Variants in NCAM2 observed in about 807,000 individuals in gnomAD.
NCAM2 encodes N-CAM-2.
A neutral mutation model predicts 98.1 loss-of-function variants in NCAM2; 30 were observed. The observed-to-expected ratio is 0.31, with a 90% CI of 0.23 to 0.41. NCAM2 has a LOEUF of 0.41. Ranked by LOEUF, NCAM2 falls within the 10% of genes least tolerant of loss-of-function variation. NCAM2 has a pLI of 1.00. For missense variants in NCAM2, 867 were observed against 1,005.8 expected, an observed-to-expected ratio of 0.86 and a Z score of 1.87; for synonymous variants, 368 against 342.4, an observed-to-expected ratio of 1.07 and a Z score of -0.83.
At chr21:21,222,440 T>C (rs1443610895) in intron 1 of NCAM2, among the ~76,000 whole-genome samples, 1 of 152,184 alleles carries the variant, frequency 6.6e-6, no homozygotes, top group Non-Finnish European at 1.5e-5. Flanking sequence ...CCATTAAGAA[T>C]GTTTGTAATG....
At chr21:21,002,106 A>G (rs1003328836) in intron 1 of NCAM2, among the ~76,000 whole-genome samples, 1 of 152,108 alleles carries the variant, frequency 6.6e-6, no homozygotes, top group African/African-American at 2.4e-5. Flanking sequence ...CTTCTTTTGC[A>G]CTTGGGGAAG....
chr21:21,418,822 G>A (rs562005342), intron 11 of NCAM2, among the ~76,000 whole-genome samples: 2 of 152,198 alleles, frequency 1.3e-5, no homozygotes, highest in South Asian at 2.1e-4. Flanking sequence ...GTACGGTAGG[G>A]CTATAATAGT....
rs1042114634 is a variant in NCAM2, at chr21:21,137,844, T to G, written c.55+139226T>G. 4.6e-5 allele frequency among the ~76,000 whole-genome samples: 7 copies of G among 151,572 alleles called. No homozygotes were observed. In the South Asian group the frequency reaches 1.5e-3, roughly 32 times the overall value. On this transcript the variant is annotated intron_variant, in intron 1 of 17. Transcript: ENST00000400546. ...CTTTTGAAAGCAGTCGTCACTTCATTTTTTTTTTCTGTGTTGTGATTCTTC... is the reference window on the plus strand; with the variant it reads ...CTTTTGAAAGCAGTCGTCACTTCATGTTTTTTTTCTGTGTTGTGATTCTTC...
chr21:21,282,552 G>C (rs1411747808), intron 2 of NCAM2, among the ~76,000 whole-genome samples: 1 of 151,510 alleles, frequency 6.6e-6, no homozygotes, highest in Non-Finnish European at 1.5e-5. Context: ...AAGCCACTCT[G>C]CTTGTATGTA....
rs1303138599 is a variant in NCAM2 at position 21,410,474 on chromosome 21, G to T, written c.1383+13G>T. The T allele has an allele frequency of 1.4e-6, 2 of 1,405,114 alleles. No individual in the cohort carries two copies. The highest frequency in any genetic ancestry group is 2.5e-5 in the East Asian group (1 of 39,916). The allele number at this position is 1,405,114 out of a possible 1,614,324, so 87.0% of individuals were successfully genotyped here. On this transcript the variant is annotated intron_variant, in intron 10 of 17. Coordinates refer to ENST00000400546, the MANE Select transcript of NCAM2 (RefSeq NM_004540.5). Reference sequence around the variant, plus strand: ...GATGATATTAGAGGTAAGTCCACATGTATACATCAATAAATTGTATTATTT... The same window carrying T: ...GATGATATTAGAGGTAAGTCCACATTTATACATCAATAAATTGTATTATTT...
chr21:21,032,944 C>CTT (rs61400853), intron 1 of NCAM2, among the ~76,000 whole-genome samples: 35 of 148,708 alleles, frequency 2.4e-4, no homozygotes, highest in Non-Finnish European at 3.6e-4. Flanking sequence ...TTCTTTCTTT[C>CTT]TTTTTTTTTT....
chr21:21,387,519 A>AG (rs34718723), intron 9 of NCAM2, among the ~76,000 whole-genome samples: 1 of 57,668 alleles, frequency 1.7e-5, no homozygotes, highest in Non-Finnish European at 3.6e-5. Context: ...TATTCAAGAC[A>AG]AAAAAAAAAC....
chr21:21,475,383 A>G (rs1602450926), intron 14 of NCAM2, among the ~76,000 whole-genome samples: 1 of 152,112 alleles, frequency 6.6e-6, no homozygotes, highest in Admixed American at 6.6e-5. Context: ...AAACTACAAC[A>G]TGAGGGTATT....
At chr21:21,037,836 G>C (rs1467559032) in intron 1 of NCAM2, among the ~76,000 whole-genome samples, 1 of 152,116 alleles carries the variant, frequency 6.6e-6, no homozygotes, top group Non-Finnish European at 1.5e-5. Context: ...AGATTTACTT[G>C]AGTAAAATTG....
At chr21:21,536,406 TTC>T (rs201950105) in intron 17 of NCAM2, among the ~76,000 whole-genome samples, 74 of 128,000 alleles carry the variant, frequency 5.8e-4, no homozygotes, top group Non-Finnish European at 7.0e-4. Context: ...TTTTTTTTTT[TTC>T]CGAGACTAGT....
chr21:21,134,409 A>ACC (rs1246499047), intron 1 of NCAM2, among the ~76,000 whole-genome samples: 31 of 152,064 alleles, frequency 2.0e-4, no homozygotes, highest in African/African-American at 7.5e-4. Context: ...ACCTCAGAAG[A>ACC]AGACAGTGGA....
In NCAM2 at chr21:21,077,184, G is replaced by A. The variant is rs116277940; in HGVS notation, c.55+78566G>A. Among the ~76,000 whole-genome samples, 1,392 of 152,184 alleles carry A rather than the reference G, an allele frequency of 9.1e-3. 20 individuals carry two copies. Among genetic ancestry groups the A allele is most frequent in the African/African-American group, 0.031 (1,292 of 41,532 alleles). Reference sequence around the variant, plus strand: ...GCAACATCGTTTAGATGAGGTGCCCGTCAGAGATTATTTATTCTGTAATTT... The same window carrying A: ...GCAACATCGTTTAGATGAGGTGCCCATCAGAGATTATTTATTCTGTAATTT... On this transcript the variant is annotated intron_variant, in intron 1 of 17. Transcript: ENST00000400546.
intron 1 of NCAM2, among the ~76,000 whole-genome samples, chr21:21,177,647 A>C (rs1200029596): frequency 6.6e-6 from 1 of 152,024 alleles, no homozygotes; most frequent in East Asian, 1.9e-4. Context: ...ATTTTATAAA[A>C]AGTAATGCCA....
At chr21:21,112,370 A>G (rs2066470513) in intron 1 of NCAM2, among the ~76,000 whole-genome samples, 1 of 152,168 alleles carries the variant, frequency 6.6e-6, no homozygotes, top group Admixed American at 6.5e-5. Flanking sequence ...GCAGTGTGAA[A>G]AAAGTAGCTA....
intron 12 of NCAM2, among the ~76,000 whole-genome samples, chr21:21,464,445 A>T (rs1287527931): frequency 6.6e-6 from 1 of 152,122 alleles, no homozygotes; most frequent in African/African-American, 2.4e-5. Context: ...TATCTGATTT[A>T]ATTAATAAAA....
chr21:21,264,229 C>G (rs996733581), intron 1 of NCAM2, among the ~76,000 whole-genome samples: 5 of 152,000 alleles, frequency 3.3e-5, no homozygotes, highest in South Asian at 2.1e-4. Flanking sequence ...AAGTGGCCAA[C>G]AAAGATATGA....
intron 1 of NCAM2, among the ~76,000 whole-genome samples, chr21:21,160,274 G>A (rs761989397): frequency 2.0e-4 from 31 of 151,992 alleles, no homozygotes; most frequent in Non-Finnish European, 4.4e-4. Context: ...ACTTAGTAAT[G>A]CCACTGATCT....
chr21:21,173,299 A>C (rs1180309554), intron 1 of NCAM2, among the ~76,000 whole-genome samples: 1 of 152,214 alleles, frequency 6.6e-6, no homozygotes, highest in African/African-American at 2.4e-5. Flanking sequence ...TGTGACAAGT[A>C]ATGTTATGAA....
intron 1 of NCAM2, among the ~76,000 whole-genome samples, chr21:21,124,032 G>A (rs1056466038): frequency 1.7e-4 from 26 of 151,666 alleles, no homozygotes; most frequent in African/African-American, 6.3e-4. Context: ...ATTTTTAGTA[G>A]AGACGGGGTT....
Sources: gnomAD v4.1 joint callset for allele counts (sites outside exome capture counted in the v4.1 genomes callset) on GRCh38, gnomAD v4.1.1 for gene constraint, MANE v1.5 for transcripts, NCBI Gene and HGNC (gene_info 2026-07-23, HGNC 2026-07-21) for gene names.